The following COBL variants were observed in gnomAD, a reference collection of about 807,000 sequenced individuals.
COBL encodes protein cordon-bleu.
In COBL, 51 loss-of-function variants were observed where a neutral mutation model predicts 98.8. That is an observed-to-expected ratio of 0.52 (90% CI 0.41 to 0.65). COBL has a LOEUF of 0.65. Ranked by LOEUF, COBL falls within the 30% of genes least tolerant of loss-of-function variation. COBL has a pLI of 0.00. For missense variants in COBL, 1,617 were observed against 1,617.5 expected (o/e 1.00, Z 0.01); for synonymous variants, 634 against 651.7 (o/e 0.97, Z 0.41).
chr7:51,308,033 A>G (rs991418540), intron 1 of COBL, among the ~76,000 whole-genome samples: 2 of 152,218 alleles, frequency 1.3e-5, no homozygotes, highest in African/African-American at 4.8e-5. Context: ...TCTACCTGGT[A>G]GCTATAGACA....
At chr7:51,190,328 C>G (rs1206970983) in intron 4 of COBL, among the ~76,000 whole-genome samples, 1 of 152,132 alleles carries the variant, frequency 6.6e-6, no homozygotes, top group Non-Finnish European at 1.5e-5. Flanking sequence ...CCAGCCTCAG[C>G]CTCTCCAGTA....
chr7:51,078,689 C>T (rs902788832), intron 7 of COBL, among the ~76,000 whole-genome samples: 6 of 152,240 alleles, frequency 3.9e-5, no homozygotes, highest in African/African-American at 1.4e-4. Flanking sequence ...GTGCCTCTGA[C>T]TCATGGCCTC....
At chr7:51,134,889 A>T (rs1799083329) in intron 6 of COBL, among the ~76,000 whole-genome samples, 1 of 152,254 alleles carries the variant, frequency 6.6e-6, no homozygotes, top group Non-Finnish European at 1.5e-5. Context: ...ATTTTTATGA[A>T]AACACAGCTA....
intron 3 of COBL, 93 bp downstream of exon 3, chr7:51,193,286 G>T: frequency 8.8e-7 from 1 of 1,132,440 alleles, no homozygotes; most frequent in Non-Finnish European, 1.3e-6. Context: ...ACAGCTCTCT[G>T]CACTGTACTT....
intron 1 of COBL, among the ~76,000 whole-genome samples, chr7:51,244,833 C>T (rs991683857): frequency 6.6e-6 from 1 of 152,164 alleles, no homozygotes; most frequent in Admixed American, 6.5e-5. Flanking sequence ...TGGGCTCCAC[C>T]TTCACCACGC....
At chr7:51,097,609 T>C (rs1040904387) in intron 6 of COBL, among the ~76,000 whole-genome samples, 1 of 152,184 alleles carries the variant, frequency 6.6e-6, no homozygotes, top group African/African-American at 2.4e-5. Flanking sequence ...AGTTGCAGGA[T>C]ACAAAATCAA....
intron 5 of COBL, among the ~76,000 whole-genome samples, chr7:51,155,110 A>G (rs989433295): frequency 8.5e-5 from 13 of 152,200 alleles, no homozygotes; most frequent in Non-Finnish European, 1.2e-4. Flanking sequence ...TTTTAACAAA[A>G]TTCAGCTATA....
intron 1 of COBL, among the ~76,000 whole-genome samples, chr7:51,224,204 C>G (rs1584233507): frequency 6.6e-6 from 1 of 152,104 alleles, no homozygotes; most frequent in African/African-American, 2.4e-5. Context: ...GATGAAGTCC[C>G]TTAAGGATAC....
intron 1 of COBL, among the ~76,000 whole-genome samples, chr7:51,227,641 T>G (rs1012037806): frequency 1.3e-5 from 2 of 152,172 alleles, no homozygotes; most frequent in African/African-American, 4.8e-5. Context: ...CACATGCCCC[T>G]GAGTCTCAGA....
intron 1 of COBL, among the ~76,000 whole-genome samples, chr7:51,264,441 C>A (rs896528881): frequency 2.6e-5 from 4 of 151,984 alleles, no homozygotes; most frequent in African/African-American, 9.7e-5. Context: ...GAGGTCAACA[C>A]GGGTGGATCA....
chr7:51,124,268 AGT>A (rs1453741588), intron 6 of COBL, among the ~76,000 whole-genome samples: 67 of 152,280 alleles, frequency 4.4e-4, no homozygotes, highest in African/African-American at 1.6e-3. Context: ...CCTGCTGGCC[AGT>A]GTACTTCCAC....
intron 1 of COBL, among the ~76,000 whole-genome samples, chr7:51,288,478 C>T (rs892798269): frequency 4.7e-5 from 7 of 148,820 alleles, no homozygotes; most frequent in East Asian, 4.0e-4. Flanking sequence ...TGGGGCTGGG[C>T]GTGATGACTC....
Position 51,098,588 on chromosome 7 carries a change from C to T in COBL, c.958-13284G>A, listed in dbSNP as rs148915927. 1.4e-3 allele frequency among the ~76,000 whole-genome samples: 211 copies of T among 152,136 alleles called. 2 individuals are homozygous for T. Among genetic ancestry groups the T allele is most frequent in the African/African-American group, 4.7e-3 (197 of 41,506 alleles). ...CAAAAGAATGAAATTGGGCCCTTAC[C>T]GTTAACCATATAAAAAAATTAAAAT... is the stretch of plus-strand genomic sequence containing the variant. On this transcript the variant is annotated intron_variant, in intron 6 of 12. Transcript: ENST00000265136.
intron 5 of COBL, among the ~76,000 whole-genome samples, chr7:51,158,262 A>C (rs1786392754): frequency 6.6e-6 from 1 of 152,170 alleles, no homozygotes; most frequent in Admixed American, 6.5e-5. Flanking sequence ...TCTGTAATCT[A>C]CTATGAATTG....
chr7:51,107,350 G>C (rs946128156), intron 6 of COBL, among the ~76,000 whole-genome samples: 1 of 151,994 alleles, frequency 6.6e-6, no homozygotes, highest in African/African-American at 2.4e-5. Flanking sequence ...ACCTCCCAAA[G>C]TGCTGGGATT....
At position 51,081,508 on chromosome 7, in the gene COBL, AGCCTGATGCT is replaced by A. The variant is rs575787160; in HGVS notation, c.1096+3648_1096+3657del. Among the ~76,000 whole-genome samples the A allele has an allele frequency of 4.1e-3, 622 of 152,328 alleles. 1 individual carries two copies. The highest frequency in any genetic ancestry group is 6.1e-3 in the Non-Finnish European group (414 of 68,016). On this transcript the variant is annotated intron_variant, in intron 7 of 12. Coordinates refer to ENST00000265136, the MANE Select transcript of COBL (RefSeq NM_015198.5). Reference sequence around the variant, plus strand: ...ACTGCTCTGCAGAGATGCAGGAGGAAGCCTGATGCTGCCTTGGTAAGTACCCCTCCCACAT... The same window carrying A: ...ACTGCTCTGCAGAGATGCAGGAGGAAGCCTTGGTAAGTACCCCTCCCACAT...
At chr7:51,024,539 C>A (rs1479012635) in intron 12 of COBL, among the ~76,000 whole-genome samples, 1 of 152,086 alleles carries the variant, frequency 6.6e-6, no homozygotes, top group East Asian at 1.9e-4. Flanking sequence ...AATGTGCAGA[C>A]CAGCACAAGA....
intron 5 of COBL, among the ~76,000 whole-genome samples, chr7:51,146,651 T>TG (rs1235571505): frequency 4.0e-5 from 1 of 25,232 alleles, no homozygotes; most frequent in African/African-American, 1.7e-4. Context: ...TGCAGGAATG[T>TG]GGGGGCGGGG....
intron 5 of COBL, among the ~76,000 whole-genome samples, chr7:51,158,973 C>A (rs1786492141): frequency 6.6e-6 from 1 of 152,040 alleles, no homozygotes; most frequent in African/African-American, 2.4e-5. Flanking sequence ...TGAGAAACAG[C>A]AGCCCCAAGG....
Sources: gnomAD v4.1 joint callset for allele counts (sites outside exome capture counted in the v4.1 genomes callset) on GRCh38, gnomAD v4.1.1 for gene constraint, MANE v1.5 for transcripts, NCBI Gene and HGNC (gene_info 2026-07-23, HGNC 2026-07-21) for gene names.